Variants in WARS2 observed in about 807,000 individuals in gnomAD.
WARS2 encodes tryptophan--tRNA ligase, mitochondrial.
In WARS2, 28 loss-of-function variants were observed where a neutral mutation model predicts 36.5. The ratio of observed to expected loss-of-function variants is 0.77; its 90% CI spans 0.57 to 1.05. WARS2 has a LOEUF of 1.05. WARS2 is among the 50% of genes least tolerant of loss of function. The probability of loss-of-function intolerance (pLI) is 0.00; values close to 1 mark genes in which losing one functional copy is unlikely to be tolerated. For synonymous variants in WARS2, 174 were observed against 178.4 expected (o/e 0.98, Z 0.20); for missense variants, 435 against 456.8 (o/e 0.95, Z 0.44).
At chr1:119,131,333 T>C (rs1295176979) in intron 1 of WARS2, among the ~76,000 whole-genome samples, 3 of 152,060 alleles carry the variant, frequency 2.0e-5, no homozygotes, top group Non-Finnish European at 4.4e-5. Context: ...ATGGCATTAA[T>C]AAGGAAGTAA....
chr1:119,085,723 C>T (rs1652599974), intron 1 of WARS2: 11 of 1,554,766 alleles, frequency 7.1e-6, no homozygotes, highest in Non-Finnish European at 8.0e-6. Flanking sequence ...AAACAGAATC[C>T]TTTGGATTTC....
intron 1 of WARS2, chr1:119,139,774 G>C (rs1280767347): frequency 6.6e-6 from 1 of 152,172 alleles, no homozygotes; most frequent in African/African-American, 2.4e-5. Context: ...GTATGTCAAA[G>C]TGCTTGCCAC....
Position 119,076,459 on chromosome 1 carries a change from G to A in WARS2, c.239C>T (p.Thr80Ile), listed in dbSNP as rs1340188841. ...LYSIVDLHSI[T>I]VPQDPAVLRQ... ...AAGGACAGCTGGGTCTTGGGGGACA[G>A]TAATGGAGTGGAGGTCAACAATGCT... is the stretch of plus-strand genomic sequence containing the variant. Residue 80 changes from threonine to isoleucine, a missense_variant, in exon 2 of 6, where the codon ACT (threonine) becomes ATT (isoleucine). Transcript: ENST00000235521. 1 of 1,614,188 alleles carries A rather than the reference G, an allele frequency of 6.2e-7. No individual in the cohort carries two copies. Among genetic ancestry groups the A allele is most frequent in the Non-Finnish European group, 8.5e-7 (1 of 1,180,032 alleles).
intron 1 of WARS2, among the ~76,000 whole-genome samples, chr1:119,090,138 A>T (rs186386242): frequency 6.6e-6 from 1 of 152,322 alleles, no homozygotes; most frequent in Non-Finnish European, 1.5e-5. Context: ...TGAAAAAAAA[A>T]AAAGAATTAT....
intron 4 of WARS2, among the ~76,000 whole-genome samples, chr1:119,036,981 C>A (rs1034391974): frequency 6.6e-6 from 1 of 152,138 alleles, no homozygotes; most frequent in Admixed American, 6.5e-5. Flanking sequence ...TACATTAATT[C>A]ATCTTGTCTT....
chr1:119,102,073 G>C (rs1247094550), intron 1 of WARS2, among the ~76,000 whole-genome samples: 24 of 150,988 alleles, frequency 1.6e-4, no homozygotes, highest in Admixed American at 1.4e-3. Flanking sequence ...TGGGGGTTGG[G>C]GGGGTGGGCA....
chr1:119,077,900 A>T (rs1651871147), intron 1 of WARS2, among the ~76,000 whole-genome samples: 1 of 152,260 alleles, frequency 6.6e-6, no homozygotes, highest in Admixed American at 6.5e-5. Flanking sequence ...ATGCATCATT[A>T]TCATTTTTAA....
At chr1:119,088,255 A>C (rs972804275) in intron 1 of WARS2, among the ~76,000 whole-genome samples, 1 of 152,140 alleles carries the variant, frequency 6.6e-6, no homozygotes, top group Admixed American at 6.5e-5. Flanking sequence ...AAAAATACTG[A>C]TGCCTGGGCA....
intron 3 of WARS2, among the ~76,000 whole-genome samples, chr1:119,042,595 G>A (rs897756258): frequency 1.3e-5 from 2 of 151,928 alleles, no homozygotes; most frequent in African/African-American, 2.4e-5. Context: ...ATCCTGCACT[G>A]CTACTATTTT....
chr1:119,068,930 G>T (rs141482336), intron 2 of WARS2, among the ~76,000 whole-genome samples: 3 of 152,166 alleles, frequency 2.0e-5, no homozygotes, highest in Non-Finnish European at 4.4e-5. Context: ...CATATTTTAG[G>T]GGAAGCACAT....
At chr1:119,037,965 A>AT (rs1197846807) in intron 4 of WARS2, among the ~76,000 whole-genome samples, 1 of 152,228 alleles carries the variant, frequency 6.6e-6, no homozygotes, top group Non-Finnish European at 1.5e-5. Context: ...CATTCTCTGT[A>AT]TTTTAATCAA....
At chr1:119,086,075 GTC>G in intron 1 of WARS2, 1 of 1,083,864 alleles carries the variant, frequency 9.2e-7, no homozygotes, top group South Asian at 1.6e-5. Flanking sequence ...GCCCAGATTG[GTC>G]TCAAACTCCT....
At chr1:119,108,501 C>T (rs1049064085) in intron 1 of WARS2, among the ~76,000 whole-genome samples, 1 of 151,678 alleles carries the variant, frequency 6.6e-6, no homozygotes, top group African/African-American at 2.4e-5. Flanking sequence ...CCTTATTATC[C>T]TTTTAATGTC....
chr1:119,063,678 G>A (rs1650589636), intron 2 of WARS2: 1 of 152,282 alleles, frequency 6.6e-6, no homozygotes, highest in South Asian at 2.1e-4. Context: ...CAGAGCTCGG[G>A]CAGTGGCTTT....
intron 2 of WARS2, 33 bp from the exon 3 acceptor site, chr1:119,045,695 G>T (rs1648741899): frequency 1.3e-6 from 2 of 1,533,074 alleles, no homozygotes; most frequent in Non-Finnish European, 8.9e-7. Context: ...TAGTAAAGGT[G>T]GCCAGTGTTT....
At chr1:119,139,113 T>C (rs753114628) in intron 1 of WARS2, among the ~76,000 whole-genome samples, 22 of 152,222 alleles carry the variant, frequency 1.4e-4, no homozygotes, top group Admixed American at 2.6e-4. Flanking sequence ...TAATGTGCTA[T>C]AAATTATAAA....
At chr1:119,095,290 T>C (rs1653350293) in intron 1 of WARS2, among the ~76,000 whole-genome samples, 1 of 152,116 alleles carries the variant, frequency 6.6e-6, no homozygotes, top group Admixed American at 6.5e-5. Context: ...CACTGCTATA[T>C]ATAATTTATT....
At chr1:119,116,126 AG>A (rs1654952504) in intron 1 of WARS2, among the ~76,000 whole-genome samples, 1 of 152,196 alleles carries the variant, frequency 6.6e-6, no homozygotes, top group Non-Finnish European at 1.5e-5. Flanking sequence ...TACTTATTGA[AG>A]ATTTGACTTT....
intron 3 of WARS2, among the ~76,000 whole-genome samples, chr1:119,045,165 G>A (rs1037603259): frequency 1.3e-5 from 2 of 152,166 alleles, no homozygotes; most frequent in Admixed American, 6.5e-5. Context: ...GACTCAACTT[G>A]TTTAAATGTT....
Sources: allele counts gnomAD v4.1 joint callset (sites outside exome capture counted in the v4.1 genomes callset), GRCh38; gene constraint gnomAD v4.1.1; transcripts MANE v1.5; gene names NCBI Gene and HGNC (gene_info 2026-07-23, HGNC 2026-07-21).